The following RB1CC1 variants were observed in gnomAD, a reference collection of about 807,000 sequenced individuals.
RB1CC1 encodes the protein RB1 inducible coiled-coil 1.
A neutral mutation model predicts 177.5 loss-of-function variants in RB1CC1; 46 were observed. That is an observed-to-expected ratio of 0.26 (90% CI 0.20 to 0.33). The LOEUF (loss-of-function observed/expected upper bound fraction) is 0.33, where lower values mean the gene tolerates loss of function less well. Ranked by LOEUF, RB1CC1 falls within the 10% of genes least tolerant of loss-of-function variation. The pLI is 1.00. For missense variants in RB1CC1, 1,703 were observed against 1,816.3 expected (o/e 0.94, Z 1.13); for synonymous variants, 666 against 613.6 (o/e 1.09, Z -1.26).
At chr8:52,672,108 C>T (rs1051566451) in intron 7 of RB1CC1, among the ~76,000 whole-genome samples, 1 of 152,096 alleles carries the variant, frequency 6.6e-6, no homozygotes, top group Admixed American at 6.6e-5. Context: ...ACTATAGCTA[C>T]CTTCTATTTT....
chr8:52,658,569 T>C (rs1341422810), intron 13 of RB1CC1, among the ~76,000 whole-genome samples: 1 of 104,820 alleles, frequency 9.5e-6, no homozygotes, highest in Non-Finnish European at 1.8e-5. Context: ...AGAGCGAGAC[T>C]CCGTCTCAAG....
Position 52,661,055 on chromosome 8 carries a change from A to G in RB1CC1, c.1545+40T>C, listed in dbSNP as rs768560645. ...AAACATAAACATACACCAATTCGTT[A>G]AAGTTCATATACAGTTAAAATAGAA... On this transcript the variant is annotated intron_variant, in intron 10 of 23. Transcript: ENST00000025008. The G allele has an allele frequency of 2.5e-6, 4 of 1,611,044 alleles. No individual in the cohort carries two copies. The Admixed American group carries it at 6.8e-5, about 27-fold the overall frequency.
intron 15 of RB1CC1, among the ~76,000 whole-genome samples, chr8:52,654,043 T>C (rs1485185743): frequency 6.6e-6 from 1 of 152,202 alleles, no homozygotes; most frequent in East Asian, 1.9e-4. Context: ...GTTTCTACCA[T>C]GTTCTTATTC....
intron 19 of RB1CC1, among the ~76,000 whole-genome samples, 171 bp downstream of exon 19, chr8:52,635,844 A>C (rs1467344961): frequency 3.3e-5 from 5 of 152,154 alleles, no homozygotes; most frequent in African/African-American, 1.2e-4. Context: ...TTAGCTAGTA[A>C]GATCATAAAA....
Position 52,661,562 on chromosome 8 carries a change from A to G in RB1CC1, c.1331T>C (p.Leu444Pro). ...CAGTCTGACATGTAGGTTATTTGCT[A>G]GTTCTTGTTTGGCAGTGGTACACTT... Reference protein sequence around the residue: ...KQKCTTAKQELANNLHVRLKW... With the variant: ...KQKCTTAKQEPANNLHVRLKW... The change falls in exon 9 of 24, where the codon CTA becomes CCA. Residue 444 changes from leucine (L) to proline (P), a missense_variant. By Grantham distance (98) the Leu-to-Pro change is moderately conservative (BLOSUM62 -3). Around this residue, in one of 6 missense-constraint regions of RB1CC1, gnomAD observed 1,169 missense variants for 1,184.7 expected, o/e 0.99. Transcript: ENST00000025008. 1 of 1,608,224 alleles carries G rather than the reference A, an allele frequency of 6.2e-7. No homozygotes were observed. The highest frequency in any genetic ancestry group is 2.2e-5 in the East Asian group (1 of 44,720).
chr8:52,642,508 T>C lies in RB1CC1; in HGVS notation c.4180A>G (p.Ser1394Gly), dbSNP rs764305646. The C allele has an allele frequency of 6.2e-7, 1 of 1,614,106 alleles. No individual in the cohort carries two copies. The highest frequency in any genetic ancestry group is 2.2e-5 in the East Asian group (1 of 44,848). Residue 1394 changes from serine to glycine, a missense_variant, in exon 18 of 24, where the codon AGT (serine) becomes GGT (glycine). Transcript: ENST00000025008. ...TATGGTGAAGGAACAAAACTGCTAC[T>C]ACGCAACTTACTGACTTCTTCTTCA... ...KLEEEVSKLRSSSFVPSPYVA... is the reference protein window; with the variant it reads ...KLEEEVSKLRGSSFVPSPYVA...
At chr8:52,654,887 C>A (rs1438033690) in intron 15 of RB1CC1, among the ~76,000 whole-genome samples, 2 of 152,108 alleles carry the variant, frequency 1.3e-5, no homozygotes, top group Admixed American at 1.3e-4. Flanking sequence ...CATCCACTGA[C>A]CCCTACCCTC....
At chr8:52,659,767 G>A (rs1851447935) in intron 12 of RB1CC1, among the ~76,000 whole-genome samples, 2 of 152,344 alleles carry the variant, frequency 1.3e-5, no homozygotes, top group African/African-American at 4.8e-5. Flanking sequence ...GGAGGCCAAG[G>A]TGGGCAGAAC....
chr8:52,659,953 T>C (rs1038379465), intron 12 of RB1CC1, among the ~76,000 whole-genome samples: 4 of 152,156 alleles, frequency 2.6e-5, no homozygotes, highest in Admixed American at 2.0e-4. Context: ...GATGAGATTG[T>C]GCCACTGCAC....
At chr8:52,663,199 C>T (rs955873498) in intron 8 of RB1CC1, among the ~76,000 whole-genome samples, 3 of 152,058 alleles carry the variant, frequency 2.0e-5, no homozygotes, top group Admixed American at 6.6e-5. Flanking sequence ...GTAGTACTCA[C>T]AATCGTGTTC....
chr8:52,702,224 T>C (rs1392556172), intron 1 of RB1CC1, among the ~76,000 whole-genome samples: 1 of 152,188 alleles, frequency 6.6e-6, no homozygotes, highest in Non-Finnish European at 1.5e-5. Context: ...TAAAATTAGT[T>C]AAATACTCTG....
chr8:52,629,623 C>T (rs566847718), intron 21 of RB1CC1, among the ~76,000 whole-genome samples: 1 of 152,148 alleles, frequency 6.6e-6, no homozygotes, highest in Non-Finnish European at 1.5e-5. Context: ...GAATTTAACA[C>T]TAACACAGAG....
intron 12 of RB1CC1, among the ~76,000 whole-genome samples, chr8:52,660,254 G>C (rs980377198): frequency 2.0e-5 from 3 of 152,018 alleles, no homozygotes; most frequent in Non-Finnish European, 4.4e-5. Flanking sequence ...CTGTAAAGGA[G>C]GAGGGAGGGA....
At chr8:52,701,065 T>C (rs556586833) in intron 1 of RB1CC1, among the ~76,000 whole-genome samples, 2 of 152,314 alleles carry the variant, frequency 1.3e-5, no homozygotes, top group East Asian at 3.9e-4. Context: ...CAGACATAAC[T>C]GGTCTCTTTC....
intron 1 of RB1CC1, among the ~76,000 whole-genome samples, chr8:52,699,991 A>AGAACCATGTCTACG (rs1416181409): frequency 1.3e-5 from 2 of 151,604 alleles, no homozygotes; most frequent in African/African-American, 4.9e-5. Flanking sequence ...GCTACTACAA[A>AGAACCATGTCTACG]GAACCATGTC....
At chr8:52,669,909 A>G (rs1424405650) in intron 7 of RB1CC1, among the ~76,000 whole-genome samples, 6 of 152,214 alleles carry the variant, frequency 3.9e-5, no homozygotes, top group Non-Finnish European at 7.3e-5. Context: ...ACTGACAAAC[A>G]TAGGAGAGTA....
intron 5 of RB1CC1, among the ~76,000 whole-genome samples, chr8:52,682,430 T>C (rs1198506405): frequency 2.6e-5 from 4 of 152,172 alleles, no homozygotes; most frequent in Admixed American, 2.0e-4. Flanking sequence ...GCTTGGTATC[T>C]GAATCTCAGA....
chr8:52,679,834 G>T (rs949996984), intron 5 of RB1CC1, among the ~76,000 whole-genome samples: 2 of 152,072 alleles, frequency 1.3e-5, no homozygotes, highest in Non-Finnish European at 2.9e-5. Context: ...GAGAGTAGCA[G>T]AAGAAATAAT....
Position 52,645,914 on chromosome 8 carries a change from C to T in RB1CC1, c.3822-47G>A, listed in dbSNP as rs115253609. 226 of 1,494,910 alleles carry T rather than the reference C, an allele frequency of 1.5e-4. 1 individual carries two copies. The African/African-American group carries it at 2.8e-3, about 18-fold the overall frequency. The allele number at this position is 1,494,910 out of a possible 1,614,324, so 92.6% of individuals were successfully genotyped here. Reference sequence around the variant, plus strand: ...TAAATTAAAAAAAAAATTACAGACACACAAATATACCAAATATCATATTTG... The same window carrying T: ...TAAATTAAAAAAAAAATTACAGACATACAAATATACCAAATATCATATTTG... On this transcript the variant is annotated intron_variant, in intron 15 of 23. Transcript: ENST00000025008.
Sources: gnomAD v4.1 joint callset for allele counts (sites outside exome capture counted in the v4.1 genomes callset) on GRCh38, gnomAD v4.1.1 for gene constraint, gnomAD v4.1.1 regional missense constraint, MANE v1.5 for transcripts, NCBI Gene and HGNC (gene_info 2026-07-23, HGNC 2026-07-21) for gene names.